SLC7A10: variants seen among roughly 807,000 people sequenced by gnomAD.
The protein encoded by SLC7A10 is asc-type amino acid transporter 1.
SLC7A10 carries 30 observed loss-of-function variants against 52.7 expected under a neutral mutation model. The observed-to-expected ratio is 0.57, with a 90% confidence interval of 0.43 to 0.77. The LOEUF is 0.77. Ranked by LOEUF, SLC7A10 falls within the 30% of genes least tolerant of loss-of-function variation. The probability of loss-of-function intolerance (pLI) is 0.00; values close to 1 mark genes in which losing one functional copy is unlikely to be tolerated. For missense variants in SLC7A10, 581 were observed against 698.5 expected (o/e 0.83, Z 1.90); for synonymous variants, 318 against 314.9 (o/e 1.01, Z -0.10).
chr19:33,213,479 G>A (rs961897939), intron 2 of SLC7A10, among the ~76,000 whole-genome samples: 16 of 152,120 alleles, frequency 1.1e-4, no homozygotes, highest in African/African-American at 3.4e-4. Context: ...TAGTAGAGAC[G>A]GAGTTTCACC....
Position 33,208,922 on chromosome 19 carries a change from G to T in SLC7A10, c.1541C>A (p.Pro514His). The T allele has an allele frequency of 6.2e-7, 1 of 1,613,776 alleles. No individual in the cohort carries two copies. Among genetic ancestry groups the T allele is most frequent in the Non-Finnish European group, 8.5e-7 (1 of 1,179,976 alleles). ...TGGCTTCGAGGGCTTGTCTGTGGCAGGCAGCAGGGAGGGTGGGCAGGGGCC... is the reference window on the plus strand; with the variant it reads ...TGGCTTCGAGGGCTTGTCTGTGGCATGCAGCAGGGAGGGTGGGCAGGGGCC... ...ENGPCPPSLL[P>H]ATDKPSKPQ The change falls in exon 11 of 11, where the codon CCT becomes CAT. Residue 514 changes from proline (P) to histidine (H), a missense_variant. Transcript: ENST00000253188. The surrounding 1 kb of genome is among the most constrained non-coding windows in gnomAD (Gnocchi z 4.7).
At chr19:33,220,816 A>C (rs1481634412) in intron 1 of SLC7A10, 5 of 152,118 alleles carry the variant, frequency 3.3e-5, no homozygotes, top group Non-Finnish European at 7.3e-5. Flanking sequence ...ACGTCCTCCC[A>C]ATTGCTTGGG....
At position 33,212,840 on chromosome 19, in the gene SLC7A10, G is replaced by A; in HGVS notation, c.508+11C>T. The stretch of plus-strand genomic sequence containing the variant: ...CTGATCTGGGGACAGTGGGCCAAAG[G>A]GGATGCTTACTCAGGCAGGCCATGG... On this transcript the variant is annotated intron_variant, in intron 3 of 10. Coordinates refer to ENST00000253188, the MANE Select transcript of SLC7A10 (RefSeq NM_019849.3). 6.2e-7 allele frequency: 1 copy of A among 1,613,208 alleles called. No homozygotes were observed.
At chr19:33,209,049 C>A (rs780438843) in intron 10 of SLC7A10, 28 bp from the exon 11 acceptor site, 1 of 1,612,470 alleles carries the variant, frequency 6.2e-7, no homozygotes, top group Middle Eastern at 1.8e-4. Context: ...GACCTTGGGG[C>A]CTGACCTCTC....
At chr19:33,222,937 G>A (rs923522365) in intron 1 of SLC7A10, among the ~76,000 whole-genome samples, 1 of 152,142 alleles carries the variant, frequency 6.6e-6, no homozygotes, top group African/African-American at 2.4e-5. Context: ...GAGAGTGACA[G>A]GATCTCCTAG....
intron 10 of SLC7A10, 112 bp from the exon 11 acceptor site, chr19:33,209,133 C>A: frequency 6.4e-7 from 1 of 1,564,400 alleles, no homozygotes. Context: ...CCGTCGGTAC[C>A]CGTGGTTCTG....
intron 2 of SLC7A10, among the ~76,000 whole-genome samples, chr19:33,214,454 G>A (rs1375586462): frequency 9.9e-5 from 15 of 152,218 alleles, no homozygotes; most frequent in Admixed American, 9.2e-4. Context: ...GCTCCTAAAC[G>A]ATTTTAGAAT....
At chr19:33,211,008 C>G (rs752572634) in intron 7 of SLC7A10, 110 bp from the exon 8 acceptor site, 2 of 1,116,644 alleles carry the variant, frequency 1.8e-6, no homozygotes, top group South Asian at 2.6e-5. Context: ...CCCAGCAGCC[C>G]CACTGGACAG....
Position 33,210,982 on chromosome 19 carries a change from G to T in SLC7A10, c.1017-84C>A. ...ATGTCCCTCTTAAGCTGTCGCCTCT[G>T]ACCTCCTGCTCCGGGCCCAGCAGCC... On this transcript the variant is annotated intron_variant, in intron 7 of 10. Coordinates refer to ENST00000253188, the MANE Select transcript of SLC7A10 (RefSeq NM_019849.3). The surrounding 1 kb of genome is among the most constrained non-coding windows in gnomAD (Gnocchi z 5.6). 7.5e-7 allele frequency: 1 copy of T among 1,341,206 alleles called. No individual in the cohort carries two copies. The highest frequency in any genetic ancestry group is 1.1e-6 in the Non-Finnish European group (1 of 941,826). 83.1% of individuals were successfully genotyped at this position (1,341,206 alleles called of 1,614,324 possible). A position where few individuals can be genotyped will look rare whatever the true frequency, so the allele number is the denominator to read the frequency against.
At chr19:33,209,678 G>A (rs1239887739) in intron 9 of SLC7A10, among the ~76,000 whole-genome samples, 193 bp from the exon 10 acceptor site, 1 of 152,156 alleles carries the variant, frequency 6.6e-6, no homozygotes, top group Admixed American at 6.5e-5. Flanking sequence ...CCGTTGGCCA[G>A]TTTTGCTGAG....
intron 1 of SLC7A10, among the ~76,000 whole-genome samples, chr19:33,224,437 A>G (rs1222146350): frequency 6.6e-6 from 1 of 151,964 alleles, no homozygotes; most frequent in Non-Finnish European, 1.5e-5. Flanking sequence ...TTCAGGGGCA[A>G]CTCTGGATGT....
chr19:33,209,066 G>C, intron 10 of SLC7A10, 45 bp from the exon 11 acceptor site: 1 of 1,611,082 alleles, frequency 6.2e-7, no homozygotes, highest in Non-Finnish European at 8.5e-7. Flanking sequence ...TCTCGGGATA[G>C]GGGTGACCCC....
rs1599965365 is a variant in SLC7A10, at chr19:33,225,488, G to C, written c.151+65C>G. ...AGCGCCCGGAGAGGGGACGCCCCTCGTTCGGAGCGGCTGCGCCCCTCATTC... is the reference window on the plus strand; with the variant it reads ...AGCGCCCGGAGAGGGGACGCCCCTCCTTCGGAGCGGCTGCGCCCCTCATTC... On this transcript the variant is annotated intron_variant, in intron 1 of 10. Transcript: ENST00000253188. The C allele has an allele frequency of 3.8e-6, 6 of 1,571,864 alleles. No homozygotes were observed. The East Asian group carries it at 1.4e-4, about 36-fold the overall frequency.
chr19:33,215,631 C>CCCCCACACCTACTCTCCATCCAG, intron 2 of SLC7A10, 138 bp downstream of exon 2: 1 of 444,184 alleles, frequency 2.3e-6, no homozygotes, highest in Non-Finnish European at 3.4e-6. Flanking sequence ...TCTCCATCCA[C>CCCCCACACCTACTCTCCATCCAG]CCCCCACACC....
chr19:33,211,701 T>A, intron 5 of SLC7A10, 164 bp from the exon 6 acceptor site: 2 of 1,380,588 alleles, frequency 1.4e-6, no homozygotes, highest in Non-Finnish European at 2.0e-6. Context: ...GACCCTGTTG[T>A]CTGCCCTGCC....
At chr19:33,211,805 TA>T in intron 5 of SLC7A10, 2 of 559,406 alleles carry the variant, frequency 3.6e-6, no homozygotes, top group Non-Finnish European at 6.3e-6. Context: ...TGCAGAAAGA[TA>T]AAATCGCATA....
chr19:33,221,346 C>T (rs543074376), intron 1 of SLC7A10, among the ~76,000 whole-genome samples: 2 of 152,176 alleles, frequency 1.3e-5, no homozygotes, highest in Non-Finnish European at 2.9e-5. Context: ...TCTTGACCCC[C>T]CCATGGTGTC....
At chr19:33,213,748 C>T (rs1175496025) in intron 2 of SLC7A10, among the ~76,000 whole-genome samples, 1 of 152,188 alleles carries the variant, frequency 6.6e-6, no homozygotes, top group East Asian at 1.9e-4. Context: ...TGAGGGAGAC[C>T]TATGGGGTGC....
intron 1 of SLC7A10, among the ~76,000 whole-genome samples, chr19:33,221,347 C>A (rs1020012624): frequency 2.0e-5 from 3 of 152,174 alleles, no homozygotes; most frequent in Non-Finnish European, 2.9e-5. Flanking sequence ...CTTGACCCCC[C>A]CATGGTGTCT....
Sources: gnomAD v4.1 joint callset for allele counts (sites outside exome capture counted in the v4.1 genomes callset) on GRCh38, gnomAD v4.1.1 for gene constraint, Gnocchi (gnomAD v3.1) non-coding constraint, MANE v1.5 for transcripts, NCBI Gene and HGNC (gene_info 2026-07-23, HGNC 2026-07-21) for gene names.